The following ATG7 variants were observed in gnomAD, a reference collection of about 807,000 sequenced individuals.
ATG7 encodes the protein autophagy related 7.
Under a neutral mutation model 82.4 loss-of-function variants are expected in ATG7, and 70 were observed. That is an observed-to-expected ratio of 0.85 (90% CI 0.70 to 1.04). The LOEUF (loss-of-function observed/expected upper bound fraction) is 1.04. ATG7 is among the 50% of genes least tolerant of loss of function. ATG7 has a pLI of 0.00. For synonymous variants in ATG7, 287 were observed against 313.0 expected, an observed-to-expected ratio of 0.92 and a Z score of 0.88; for missense variants, 792 against 864.3, an observed-to-expected ratio of 0.92 and a Z score of 1.05.
At chr3:11,559,290 A>G, downstream of ATG7, 5 of 1,494,942 alleles carry the variant, frequency 3.3e-6, no homozygotes, top group Non-Finnish European at 3.6e-6. Flanking sequence ...CTCTGCTGCC[A>G]CTAGCACAGC....
At chr3:11,391,845 A>C (rs2152872759) in intron 19 of ATG7, among the ~76,000 whole-genome samples, 1 of 152,154 alleles carries the variant, frequency 6.6e-6, no homozygotes, top group Non-Finnish European at 1.5e-5. Context: ...GGCTCAGAGA[A>C]ATTACATGAA....
chr3:11,368,229 T>TAAAAAAAAAAAAAA (rs760208581), intron 18 of ATG7, among the ~76,000 whole-genome samples: 1 of 109,340 alleles, frequency 9.1e-6, no homozygotes, highest in African/African-American at 3.4e-5. Context: ...TTCTTTTACT[T>TAAAAAAAAAAAAAA]AAAAAAAAAA....
intron 19 of ATG7, among the ~76,000 whole-genome samples, chr3:11,424,618 ATTAAATAT>A (rs1216434293): frequency 6.6e-6 from 1 of 151,488 alleles, no homozygotes; most frequent in African/African-American, 2.4e-5. Context: ...AATTTTTAAT[ATTAAATAT>A]TTAAAAATCT....
chr3:11,442,777 C>T (rs542300979), intron 20 of ATG7, among the ~76,000 whole-genome samples: 4 of 94,182 alleles, frequency 4.2e-5, no homozygotes, highest in African/African-American at 1.0e-4. Flanking sequence ...AAAAATTAGC[C>T]AGGTTTGGTG....
intron 20 of ATG7, among the ~76,000 whole-genome samples, chr3:11,463,511 C>T (rs1158894338): frequency 6.6e-6 from 1 of 152,216 alleles, no homozygotes; most frequent in African/African-American, 2.4e-5. Context: ...CATGTCAGCC[C>T]TTCCCGCATT....
chr3:11,521,645 T>C (rs1404713871), intron 20 of ATG7, among the ~76,000 whole-genome samples: 1 of 151,690 alleles, frequency 6.6e-6, no homozygotes, highest in Non-Finnish European at 1.5e-5. Context: ...TTCCACCTCC[T>C]GGGTTCACGC....
chr3:11,467,934 C>T (rs746676043), intron 20 of ATG7, among the ~76,000 whole-genome samples: 10 of 152,216 alleles, frequency 6.6e-5, no homozygotes, highest in Non-Finnish European at 1.2e-4. Context: ...CCCCCAGTGT[C>T]ATGGCTAAAT....
intron 14 of ATG7, among the ~76,000 whole-genome samples, chr3:11,354,071 G>T (rs1015346595): frequency 6.6e-6 from 1 of 152,082 alleles, no homozygotes; most frequent in African/African-American, 2.4e-5. Context: ...ATGTATCCCA[G>T]ACTAACCGTA....
intron 3 of ATG7, among the ~76,000 whole-genome samples, chr3:11,286,787 A>G (rs1026350592): frequency 1.3e-5 from 2 of 151,254 alleles, no homozygotes; most frequent in Admixed American, 6.6e-5. Flanking sequence ...TATTTTTGGT[A>G]GAGACGGAAT....
chr3:11,568,548 C>A, the ATG7 span: 1 of 1,550,206 alleles, frequency 6.5e-7, no homozygotes, highest in Non-Finnish European at 8.7e-7. This position sits in a 1 kb window ranked among gnomAD's most constrained non-coding sequence, Gnocchi z 5.9. Flanking sequence ...CTGAAAACAG[C>A]GAGAAAAGGC....
intron 20 of ATG7, among the ~76,000 whole-genome samples, chr3:11,436,248 C>T (rs1003654216): frequency 6.6e-6 from 1 of 152,152 alleles, no homozygotes; most frequent in Admixed American, 6.6e-5. Flanking sequence ...GCCATTGGGA[C>T]AATACAAATT....
At chr3:11,422,711 C>A (rs536765267) in intron 19 of ATG7, among the ~76,000 whole-genome samples, 1 of 143,592 alleles carries the variant, frequency 7.0e-6, no homozygotes, top group African/African-American at 2.6e-5. Context: ...TTTTGACATG[C>A]CTTCCTCACT....
At chr3:11,480,827 G>A (rs147381401) in intron 20 of ATG7, among the ~76,000 whole-genome samples, 13 of 152,304 alleles carry the variant, frequency 8.5e-5, no homozygotes, top group African/African-American at 2.9e-4. Context: ...GTGACAGCTC[G>A]GCAAGTAGCC....
At chr3:11,367,310 G>T (rs949049229) in intron 18 of ATG7, among the ~76,000 whole-genome samples, 1 of 152,222 alleles carries the variant, frequency 6.6e-6, no homozygotes, top group Non-Finnish European at 1.5e-5. Flanking sequence ...TTTCCTGTTG[G>T]AGAGGAACTT....
rs375909677 is a variant in ATG7, at chr3:11,304,046, G to A, written c.216-2897G>A. Among the ~76,000 whole-genome samples, 150 of 151,848 alleles carry A rather than the reference G, an allele frequency of 9.9e-4. No individual in the cohort carries two copies. The East Asian group carries it at 0.019, about 19-fold the overall frequency. On this transcript the variant is annotated intron_variant, in intron 5 of 20. Coordinates refer to ENST00000693202, the MANE Select transcript of ATG7 (RefSeq NM_001349232.2). The stretch of plus-strand genomic sequence containing the variant: ...GCGGAGCTTGCAGTGAGCCGAGATC[G>A]CACGACTGCACTCCAGCCTGGGTGA...
At chr3:11,274,968 A>G (rs1941391686) in intron 1 of ATG7, among the ~76,000 whole-genome samples, 1 of 151,954 alleles carries the variant, frequency 6.6e-6, no homozygotes, top group Non-Finnish European at 1.5e-5. Flanking sequence ...CAATGTGGTG[A>G]TTACACTGGA....
intron 9 of ATG7, among the ~76,000 whole-genome samples, chr3:11,319,880 C>G (rs989331139): frequency 6.6e-6 from 1 of 152,340 alleles, no homozygotes; most frequent in Non-Finnish European, 1.5e-5. Flanking sequence ...TAACAAGCCT[C>G]CTTGTATCTA....
In ATG7 at chr3:11,347,972, A is replaced by C; in HGVS notation, c.1221A>C (p.Leu407=). ...CTCTCTATGAGTTTGAAGATTGCCTAGGGGGTGGTAAGCCCAAGGCTCTGG... is the reference window on the plus strand; with the variant it reads ...CTCTCTATGAGTTTGAAGATTGCCTCGGGGGTGGTAAGCCCAAGGCTCTGG... The part of the protein sequence containing the change: ...RQPLYEFEDC[L]GGGKPKALAA... The change falls in exon 14 of 21, where the codon CTA becomes CTC. Residue 407 remains leucine, a synonymous_variant. Transcript: ENST00000693202. 6.2e-6 allele frequency: 10 copies of C among 1,614,108 alleles called. No homozygotes were observed. The highest frequency in any genetic ancestry group is 8.5e-6 in the Non-Finnish European group (10 of 1,179,988).
At chr3:11,442,831 A>G (rs1405715457) in intron 20 of ATG7, among the ~76,000 whole-genome samples, 1 of 150,928 alleles carries the variant, frequency 6.6e-6, no homozygotes, top group Non-Finnish European at 1.5e-5. Context: ...TGAGATGGGA[A>G]GATTGCTAGA....
Sources: gnomAD v4.1 joint callset for allele counts (sites outside exome capture counted in the v4.1 genomes callset) on GRCh38, gnomAD v4.1.1 for gene constraint, Gnocchi (gnomAD v3.1) non-coding constraint, MANE v1.5 for transcripts, NCBI Gene and HGNC (gene_info 2026-07-23, HGNC 2026-07-21) for gene names.